Variants in MTMR1 observed in about 807,000 individuals in gnomAD.
MTMR1 encodes the protein myotubularin related protein 1, also known as phosphatidylinositol-3-phosphate phosphatase MTMR1.
Under a neutral mutation model 51.6 loss-of-function variants are expected in MTMR1, and 17 were observed. The ratio of observed to expected loss-of-function variants is 0.33; its 90% CI spans 0.23 to 0.49. The LOEUF is 0.49. MTMR1 is among the 20% of genes least tolerant of loss of function. The pLI, the probability that MTMR1 is intolerant of heterozygous loss-of-function variation, is 0.99. For synonymous variants in MTMR1, 201 were observed against 205.6 expected (o/e 0.98, Z 0.19); for missense variants, 386 against 526.9 (o/e 0.73, Z 2.62).
intron 3 of MTMR1, among the ~76,000 whole-genome samples, chrX:150,713,731 A>C (rs1303918940): frequency 8.9e-6 from 1 of 112,169 alleles, no homozygotes; most frequent in African/African-American, 3.2e-5. Flanking sequence ...AGATTCTATA[A>C]AGAAATTAAG....
chrX:150,759,346 A>G (rs1052767749), intron 15 of MTMR1, among the ~76,000 whole-genome samples: 1 of 112,209 alleles, frequency 8.9e-6, no homozygotes, highest in Non-Finnish European at 1.9e-5. Context: ...AGAAGTCACT[A>G]TGTTACTGAA....
chrX:150,705,662 A>G (rs1321821987), intron 2 of MTMR1, among the ~76,000 whole-genome samples: 2 of 111,842 alleles, frequency 1.8e-5, no homozygotes, highest in African/African-American at 6.5e-5. Flanking sequence ...GGAAAACTGG[A>G]AGAGAAGTTG....
chrX:150,735,009 A>G (rs782495637), intron 10 of MTMR1, among the ~76,000 whole-genome samples: 1 of 112,279 alleles, frequency 8.9e-6, no homozygotes, highest in East Asian at 2.8e-4. Context: ...GTGTCCGTAT[A>G]AGAAAGCCAT....
intron 13 of MTMR1, among the ~76,000 whole-genome samples, chrX:150,748,590 G>C (rs1238789146): frequency 1.8e-5 from 2 of 109,663 alleles, no homozygotes; most frequent in African/African-American, 6.7e-5. Context: ...GGCCGAGATG[G>C]GAGGATCACT....
At chrX:150,741,726 C>A (rs782361355) in intron 12 of MTMR1, among the ~76,000 whole-genome samples, 97 of 112,682 alleles carry the variant, frequency 8.6e-4, no homozygotes, top group Non-Finnish European at 1.7e-3. Context: ...GGCATGATGC[C>A]TTGCACACGC....
intron 15 of MTMR1, among the ~76,000 whole-genome samples, chrX:150,756,630 G>T (rs1297160321): frequency 8.9e-6 from 1 of 112,078 alleles, no homozygotes; most frequent in Admixed American, 9.4e-5. Flanking sequence ...ACAGATAACT[G>T]TCTGCTGAGA....
chrX:150,698,923 A>G (rs2040804869), intron 1 of MTMR1, among the ~76,000 whole-genome samples: 1 of 111,936 alleles, frequency 8.9e-6, no homozygotes, highest in African/African-American at 3.3e-5. Flanking sequence ...GTAAAATTCC[A>G]TTAAATGGTA....
upstream of MTMR1, chrX:150,693,344 G>GC (rs1162973424): frequency 1.5e-5 from 8 of 543,137 alleles, no homozygotes; most frequent in Non-Finnish European, 1.8e-5. Context: ...CCCCGCTCCC[G>GC]CCCCCCGACC....
At chrX:150,700,463 A>C (rs1364668177) in intron 2 of MTMR1, among the ~76,000 whole-genome samples, 1 of 112,525 alleles carries the variant, frequency 8.9e-6, no homozygotes, top group African/African-American at 3.2e-5. Context: ...TAATCTGCCC[A>C]GCTAGAAGAG....
intron 1 of MTMR1, among the ~76,000 whole-genome samples, chrX:150,697,139 C>T (rs1005517523): frequency 3.8e-4 from 43 of 111,956 alleles, no homozygotes; most frequent in African/African-American, 1.2e-3. Flanking sequence ...GTATGATATA[C>T]GTGGGAATGA....
intron 2 of MTMR1, among the ~76,000 whole-genome samples, chrX:150,709,952 TA>T (rs2041251374): frequency 8.9e-6 from 1 of 112,396 alleles, no homozygotes; most frequent in Non-Finnish European, 1.9e-5. Flanking sequence ...AATATTTTCA[TA>T]AAGATTTTGT....
intron 13 of MTMR1, among the ~76,000 whole-genome samples, chrX:150,748,528 G>A (rs1230361000): frequency 9.1e-6 from 1 of 110,340 alleles, no homozygotes; most frequent in African/African-American, 3.3e-5. Flanking sequence ...TTAAAAGATA[G>A]CTATTTGAGC....
intron 2 of MTMR1, among the ~76,000 whole-genome samples, chrX:150,704,660 C>G (rs1409060496): frequency 8.9e-6 from 1 of 112,071 alleles, no homozygotes; most frequent in African/African-American, 3.3e-5. Context: ...GAGCCCTCCA[C>G]TCTGCAGTGT....
rs558040640 is a variant in MTMR1 at position 150,741,975 on chromosome X, C to T, written c.1474-2386C>T. Among the ~76,000 whole-genome samples the T allele has an allele frequency of 1.8e-5, 2 of 112,608 alleles. 1 individual carries two copies. The highest frequency in any genetic ancestry group is 6.5e-5 in the African/African-American group (2 of 30,986). On this transcript the variant is annotated intron_variant, in intron 12 of 15. Coordinates refer to ENST00000445323, the MANE Select transcript of MTMR1 (RefSeq NM_001306144.3). ...GGTATATACCCCAAAGAAGGGAAAG[C>T]AGGGGCCCAAACAGATATTTGTACA...
rs1230687428 is a variant in MTMR1, at chrX:150,737,522, A to C, written c.1473+74A>C. The C allele has an allele frequency of 4.6e-6, 4 of 874,712 alleles. No homozygotes were observed. In the East Asian group the frequency reaches 9.5e-5, roughly 21 times the overall value. 72.1% of individuals were successfully genotyped at this position (874,712 alleles called of 1,213,427 possible). ...TGGATGTAAACGTCATGTGTGACAC[A>C]CGTAAGCGCATATATACACACACAC... On this transcript the variant is annotated intron_variant, in intron 12 of 15. Coordinates refer to ENST00000445323, the MANE Select transcript of MTMR1 (RefSeq NM_001306144.3).
chrX:150,760,198 T>C (rs1243545177), intron 15 of MTMR1, among the ~76,000 whole-genome samples: 3 of 106,153 alleles, frequency 2.8e-5, no homozygotes, highest in Non-Finnish European at 5.9e-5. Context: ...ACCTCCTAGG[T>C]GTGGGAATGG....
At chrX:150,741,486 G>A (rs1197385273) in intron 12 of MTMR1, among the ~76,000 whole-genome samples, 2 of 112,286 alleles carry the variant, frequency 1.8e-5, no homozygotes, top group Non-Finnish European at 3.8e-5. Context: ...CCCATCCTAG[G>A]ATGGTTCACT....
intron 1 of MTMR1, among the ~76,000 whole-genome samples, chrX:150,695,660 T>C (rs2040644120): frequency 8.9e-6 from 1 of 112,016 alleles, no homozygotes; most frequent in East Asian, 2.8e-4. Flanking sequence ...TCTGGACATA[T>C]CAATTTTGAG....
At chrX:150,749,514 A>G (rs782554127) in intron 13 of MTMR1, among the ~76,000 whole-genome samples, 1 of 111,991 alleles carries the variant, frequency 8.9e-6, no homozygotes, top group East Asian at 2.8e-4. Context: ...GGCACTCAGC[A>G]CATGCCTGCT....
Sources: allele counts gnomAD v4.1 joint callset (sites outside exome capture counted in the v4.1 genomes callset), GRCh38; gene constraint gnomAD v4.1.1; transcripts MANE v1.5; gene names NCBI Gene and HGNC (gene_info 2026-07-23, HGNC 2026-07-21).